The following KCNN2 variants were observed in gnomAD, a reference collection of about 807,000 sequenced individuals.
KCNN2 encodes small conductance calcium-activated potassium channel protein 2.
KCNN2 carries 24 observed loss-of-function variants against 55.5 expected under a neutral mutation model. The observed-to-expected ratio is 0.43, with a 90% CI of 0.31 to 0.61. KCNN2 has a LOEUF of 0.61. Ranked by LOEUF, KCNN2 falls within the 20% of genes least tolerant of loss-of-function variation. The pLI, the probability that KCNN2 is intolerant of heterozygous loss-of-function variation, is 0.08. For synonymous variants in KCNN2, 431 were observed against 336.1 expected (o/e 1.28, Z -3.09); for missense variants, 754 against 853.6 (o/e 0.88, Z 1.45).
chr5:114,195,415 G>C (rs139483563), intron 1 of KCNN2, among the ~76,000 whole-genome samples: 1 of 151,830 alleles, frequency 6.6e-6, no homozygotes, highest in Non-Finnish European at 1.5e-5. Flanking sequence ...TTTATAAGAT[G>C]TGTATACCTA....
chr5:114,364,077 T>C, intron 2 of KCNN2, 76 bp downstream of exon 2: 1 of 1,060,724 alleles, frequency 9.4e-7, no homozygotes, highest in South Asian at 1.3e-5. Flanking sequence ...CAGCAGAGGC[T>C]TTTTTCAAGC....
rs112568596 is a variant in KCNN2 at position 114,477,688 on chromosome 5, G to C, written c.1890+4524G>C. Among the ~76,000 whole-genome samples the C allele has an allele frequency of 2.1e-4, 32 of 152,162 alleles. 2 individuals are homozygous for C. The highest frequency in any genetic ancestry group is 7.5e-4 in the African/African-American group (31 of 41,536). On this transcript the variant is annotated intron_variant, in intron 5 of 7. Coordinates refer to ENST00000673685, the MANE Select transcript of KCNN2 (RefSeq NM_021614.4). ...CTTTTGGAAATATATTATTATTACT[G>C]CTCATTCCATTCTGAGCAAACAGGA...
At chr5:114,145,820 G>A (rs1230991767) in intron 1 of KCNN2, among the ~76,000 whole-genome samples, 3 of 152,144 alleles carry the variant, frequency 2.0e-5, no homozygotes, top group East Asian at 1.9e-4. Context: ...TCATCAGGAG[G>A]GGGCAGAGGG....
chr5:114,438,251 G>C (rs1760079148), intron 3 of KCNN2, among the ~76,000 whole-genome samples: 1 of 152,120 alleles, frequency 6.6e-6, no homozygotes, highest in South Asian at 2.1e-4. Context: ...CATAAAGGGA[G>C]GTTGAAAGTT....
At chr5:114,215,026 C>G (rs992028675) in intron 1 of KCNN2, among the ~76,000 whole-genome samples, 6 of 152,120 alleles carry the variant, frequency 3.9e-5, no homozygotes, top group Non-Finnish European at 8.8e-5. Context: ...GTTACCTCCA[C>G]AAAACCACAG....
intron 1 of KCNN2, among the ~76,000 whole-genome samples, chr5:114,186,928 G>A (rs1272423965): frequency 4.6e-5 from 7 of 151,950 alleles, no homozygotes; most frequent in Admixed American, 3.9e-4. Context: ...CAAATTTGAT[G>A]GAATACAGAG....
intron 2 of KCNN2, among the ~76,000 whole-genome samples, chr5:114,237,419 C>T (rs1032856454): frequency 6.6e-6 from 1 of 151,982 alleles, no homozygotes; most frequent in Non-Finnish European, 1.5e-5. Flanking sequence ...GGGAGCTGAC[C>T]TAGATTAGTA....
At chr5:114,194,851 T>C (rs751120427) in intron 1 of KCNN2, among the ~76,000 whole-genome samples, 1 of 151,044 alleles carries the variant, frequency 6.6e-6, no homozygotes, top group Non-Finnish European at 1.5e-5. Flanking sequence ...TTTGAATTAA[T>C]TTGGGGGTAT....
Position 114,475,308 on chromosome 5 carries a change from G to T in KCNN2, c.1890+2144G>T, listed in dbSNP as rs75333093. 1.8e-4 allele frequency among the ~76,000 whole-genome samples: 27 copies of T among 151,490 alleles called. No homozygotes were observed. In the East Asian group the frequency reaches 5.2e-3, roughly 29 times the overall value. ...ATTCTTTTTCATGTGGGACTGTCCT[G>T]TGTGTTCTGGATGTTTCTCACCATA... On this transcript the variant is annotated intron_variant, in intron 5 of 7. Transcript: ENST00000673685.
rs74830975 is a variant in KCNN2 at position 114,058,345 on chromosome 5, C to T, written c.-271+1845C>T. Among the ~76,000 whole-genome samples the T allele has an allele frequency of 8.9e-4, 136 of 152,138 alleles. 1 individual carries two copies. The East Asian group carries it at 0.024, about 26-fold the overall frequency. On this transcript the variant is annotated intron_variant, in intron 1 of 10. Transcript: ENST00000512097. Reference sequence around the variant, plus strand: ...TTTGTGATTTTGTGATTATGGTTACCTCAGATGGAGGAGAAACAGAGGCAC... The same window carrying T: ...TTTGTGATTTTGTGATTATGGTTACTTCAGATGGAGGAGAAACAGAGGCAC...
At chr5:114,066,492 C>T (rs1052882129) in intron 1 of KCNN2, among the ~76,000 whole-genome samples, 6 of 152,206 alleles carry the variant, frequency 3.9e-5, no homozygotes, top group African/African-American at 7.2e-5. Context: ...GAATGAATGC[C>T]GGGATGGCAG....
At chr5:114,358,051 T>G (rs1057264602), upstream of KCNN2, among the ~76,000 whole-genome samples, 40 of 151,782 alleles carry the variant, frequency 2.6e-4, no homozygotes, top group African/African-American at 9.2e-4. Context: ...TGATGGCCAG[T>G]GATGATGAGC....
At chr5:114,404,934 T>G in intron 3 of KCNN2, 78 bp downstream of exon 3, 1 of 1,304,204 alleles carries the variant, frequency 7.7e-7, no homozygotes, top group South Asian at 1.5e-5. Context: ...ATTTTAGACT[T>G]GAGACGTGTA....
intron 2 of KCNN2, among the ~76,000 whole-genome samples, chr5:114,290,381 G>A (rs1755860138): frequency 6.6e-6 from 1 of 151,826 alleles, no homozygotes; most frequent in African/African-American, 2.4e-5. Context: ...GAATTTGTTG[G>A]CATATAATTA....
In KCNN2 at chr5:114,362,599, G is replaced by A. The variant is rs1561586643; in HGVS notation, c.460G>A (p.Ala154Thr). 4 of 817,700 alleles carry A rather than the reference G, an allele frequency of 4.9e-6. No individual in the cohort carries two copies. Among genetic ancestry groups the A allele is most frequent in the Non-Finnish European group, 7.3e-6 (4 of 550,808 alleles). 50.7% of individuals were successfully genotyped at this position (817,700 alleles called of 1,614,324 possible). A position where few individuals can be genotyped will look rare whatever the true frequency, so the allele number is the denominator to read the frequency against. Reference protein sequence around the residue: ...AQQSAQQSASASQYHQCHSLQ... With the variant: ...AQQSAQQSASTSQYHQCHSLQ... Reference sequence around the variant, plus strand: ...GCAGTCCGCGCAGCAGTCGGCGTCCGCCTCCCAGTACCACCAGTGCCACAG... The same window carrying A: ...GCAGTCCGCGCAGCAGTCGGCGTCCACCTCCCAGTACCACCAGTGCCACAG... Residue 154 changes from alanine to threonine, a missense_variant, in exon 1 of 8, where the codon GCC becomes ACC. By Grantham distance (58) the Ala-to-Thr change is moderately conservative. This residue lies in a region of KCNN2 where 381 missense variants were observed against 259.1 expected (regional missense o/e 1.47). Transcript: ENST00000673685.
intron 2 of KCNN2, among the ~76,000 whole-genome samples, chr5:114,354,692 C>CT (rs1757267827): frequency 6.6e-6 from 1 of 151,928 alleles, no homozygotes; most frequent in Non-Finnish European, 1.5e-5. Context: ...TGAAAGTATC[C>CT]AATAGTTTCA....
intron 1 of KCNN2, among the ~76,000 whole-genome samples, chr5:114,217,216 C>G (rs1044330897): frequency 2.0e-5 from 3 of 151,914 alleles, no homozygotes; most frequent in Admixed American, 1.3e-4. Context: ...CAATTAAAAT[C>G]CTACTAAGTT....
At chr5:114,394,103 C>A (rs961160510) in intron 2 of KCNN2, among the ~76,000 whole-genome samples, 2 of 152,114 alleles carry the variant, frequency 1.3e-5, no homozygotes, top group Non-Finnish European at 2.9e-5. Flanking sequence ...CCGATTGTAC[C>A]AATTTACACT....
intron 1 of KCNN2, among the ~76,000 whole-genome samples, chr5:114,111,058 C>T (rs770173933): frequency 3.9e-5 from 6 of 152,090 alleles, no homozygotes; most frequent in Non-Finnish European, 5.9e-5. Flanking sequence ...CTGGAAGCCT[C>T]GTGCTACCTG....
Sources: allele counts gnomAD v4.1 joint callset (sites outside exome capture counted in the v4.1 genomes callset), GRCh38; gene constraint gnomAD v4.1.1; regional missense constraint gnomAD v4.1.1; transcripts MANE v1.5; gene names NCBI Gene and HGNC (gene_info 2026-07-23, HGNC 2026-07-21).